PACRGL: variants seen among roughly 807,000 people sequenced by gnomAD.
The protein encoded by PACRGL is parkin coregulated like.
A neutral mutation model predicts 34.5 loss-of-function variants in PACRGL; 38 were observed. That is an observed-to-expected ratio of 1.10 (90% CI 0.85 to 1.44). The LOEUF (loss-of-function observed/expected upper bound fraction) is 1.44. PACRGL is among the 40% of genes most tolerant of loss of function. PACRGL has a pLI of 0.00. For missense variants in PACRGL, 305 were observed against 281.4 expected, an observed-to-expected ratio of 1.08 and a Z score of -0.60; for synonymous variants, 128 against 100.1, an observed-to-expected ratio of 1.28 and a Z score of -1.66.
At chr4:20,701,836 A>C in intron 1 of PACRGL, 1 of 456,642 alleles carries the variant, frequency 2.2e-6, no homozygotes, top group Non-Finnish European at 4.4e-6. Context: ...TCAAATCTAT[A>C]GATGTGGAAC....
intron 7 of PACRGL, among the ~76,000 whole-genome samples, chr4:20,715,803 T>TGTAGTGGGACAAGATTGTGACA (rs1291292961): frequency 1.3e-5 from 2 of 151,926 alleles, no homozygotes; most frequent in Non-Finnish European, 2.9e-5. Context: ...AGGTGGAGGT[T>TGTAGTGGGACAAGATTGTGACA]GTAGTGGGAC....
upstream of PACRGL, among the ~76,000 whole-genome samples, chr4:20,699,223 A>G (rs1560272062): frequency 6.6e-6 from 1 of 150,612 alleles, no homozygotes; most frequent in Admixed American, 6.6e-5. Flanking sequence ...AGGATATAAG[A>G]TTTTTTTTTT....
At chr4:20,706,107 G>A (rs1362668290) in intron 3 of PACRGL, among the ~76,000 whole-genome samples, 1 of 151,172 alleles carries the variant, frequency 6.6e-6, no homozygotes, top group African/African-American at 2.4e-5. Context: ...AAATTGAATG[G>A]GATAACATTT....
chr4:20,704,904 C>T, intron 3 of PACRGL, 90 bp downstream of exon 3: 2 of 1,432,106 alleles, frequency 1.4e-6, no homozygotes, highest in Admixed American at 1.9e-5. Flanking sequence ...TGAGTTTTGT[C>T]CCTTTGCTAG....
intron 8 of PACRGL, among the ~76,000 whole-genome samples, chr4:20,738,000 T>G (rs1290257905): frequency 6.6e-6 from 1 of 151,984 alleles, no homozygotes; most frequent in Non-Finnish European, 1.5e-5. Context: ...GGTATGGTGG[T>G]GCACACCTGT....
chr4:20,713,620 A>G lies in PACRGL; in HGVS notation c.609+81A>G, dbSNP rs552645257. ...ATCTCTTCATGATTTAACAATTTCA[A>G]ATCTTCAACTCAAAACCTTAAAAAT... is the stretch of plus-strand genomic sequence containing the variant. On this transcript the variant is annotated intron_variant, in intron 7 of 8. Transcript: ENST00000503585. 9.4e-5 allele frequency: 115 copies of G among 1,221,230 alleles called. 1 individual carries two copies. The African/African-American group carries it at 1.5e-3, about 15-fold the overall frequency. 75.6% of individuals were successfully genotyped at this position (1,221,230 alleles called of 1,614,324 possible).
chr4:20,756,213 A>G (rs1754423732), downstream of PACRGL, among the ~76,000 whole-genome samples: 1 of 151,828 alleles, frequency 6.6e-6, no homozygotes, highest in Non-Finnish European at 1.5e-5. Flanking sequence ...GGCAAAGTCA[A>G]CTCTGGCCAT....
upstream of PACRGL, among the ~76,000 whole-genome samples, chr4:20,699,039 C>T (rs922954906): frequency 6.6e-6 from 1 of 152,148 alleles, no homozygotes; most frequent in Non-Finnish European, 1.5e-5. Context: ...GCTTGTCATT[C>T]CTCTGCGATA....
chr4:20,756,482 C>T (rs1405683182), downstream of PACRGL, among the ~76,000 whole-genome samples: 2 of 152,172 alleles, frequency 1.3e-5, no homozygotes, highest in Non-Finnish European at 2.9e-5. Flanking sequence ...GTCTTTTCTA[C>T]ATTAAAAGAT....
chr4:20,737,254 C>T (rs1198699221), downstream of PACRGL, among the ~76,000 whole-genome samples: 1 of 151,742 alleles, frequency 6.6e-6, no homozygotes, highest in Non-Finnish European at 1.5e-5. Flanking sequence ...AGAAGTGAGT[C>T]AGGAGAACAG....
At chr4:20,743,478 C>T (rs1293474014) in intron 8 of PACRGL, among the ~76,000 whole-genome samples, 2 of 152,110 alleles carry the variant, frequency 1.3e-5, no homozygotes, top group South Asian at 2.1e-4. Flanking sequence ...CATCTACAAC[C>T]ATCTGATCTT....
intron 7 of PACRGL, among the ~76,000 whole-genome samples, chr4:20,715,497 A>G (rs886272616): frequency 6.6e-6 from 1 of 152,158 alleles, no homozygotes; most frequent in Non-Finnish European, 1.5e-5. Context: ...TCGTTCATAA[A>G]ACATTTTACT....
intron 8 of PACRGL, among the ~76,000 whole-genome samples, chr4:20,726,808 T>A (rs1398687158): frequency 6.6e-6 from 1 of 152,196 alleles, no homozygotes; most frequent in African/African-American, 2.4e-5. Context: ...ATTTTTTTTC[T>A]AAGTGAAATG....
chr4:20,742,638 C>G (rs1751408542), intron 8 of PACRGL, among the ~76,000 whole-genome samples: 1 of 152,148 alleles, frequency 6.6e-6, no homozygotes, highest in African/African-American at 2.4e-5. Flanking sequence ...GGACTCATTC[C>G]CTTTGAAAAC....
chr4:20,719,540 C>T (rs935411926), intron 7 of PACRGL, among the ~76,000 whole-genome samples: 1 of 152,160 alleles, frequency 6.6e-6, no homozygotes, highest in Non-Finnish European at 1.5e-5. Context: ...TCTTTGTTCT[C>T]ATTGGTTTCA....
At chr4:20,736,601 TAATA>T (rs1749690227), downstream of PACRGL, among the ~76,000 whole-genome samples, 1 of 151,984 alleles carries the variant, frequency 6.6e-6, no homozygotes, top group Admixed American at 6.6e-5. Context: ...TTATATGGCC[TAATA>T]TATATAGAAC....
chr4:20,701,848 C>T (rs922998988), intron 1 of PACRGL: 1 of 456,364 alleles, frequency 2.2e-6, no homozygotes, highest in Middle Eastern at 3.3e-4. Context: ...ATGTGGAACC[C>T]GCATATACGG....
chr4:20,702,476 T>G (rs1732623728), intron 1 of PACRGL, among the ~76,000 whole-genome samples: 1 of 152,198 alleles, frequency 6.6e-6, no homozygotes, highest in Non-Finnish European at 1.5e-5. Flanking sequence ...TTTGTACCAT[T>G]GTAAAGAAAA....
chr4:20,753,292 A>G (rs1216822389), downstream of PACRGL, among the ~76,000 whole-genome samples: 1 of 152,148 alleles, frequency 6.6e-6, no homozygotes, highest in Non-Finnish European at 1.5e-5. Flanking sequence ...AATCGAGGAT[A>G]CTAGAGTAGA....
Sources: allele counts gnomAD v4.1 joint callset (sites outside exome capture counted in the v4.1 genomes callset), GRCh38; gene constraint gnomAD v4.1.1; transcripts MANE v1.5; gene names NCBI Gene and HGNC (gene_info 2026-07-23, HGNC 2026-07-21).